Variants in TINAG observed in about 807,000 individuals in gnomAD.
The protein encoded by TINAG is tubulointerstitial nephritis antigen.
A neutral mutation model predicts 72.7 loss-of-function variants in TINAG; 83 were observed. The observed-to-expected ratio is 1.14, with a 90% confidence interval of 0.96 to 1.37. The LOEUF (loss-of-function observed/expected upper bound fraction) is 1.37. TINAG is among the 40% of genes most tolerant of loss of function. The pLI, the probability that TINAG is intolerant of heterozygous loss-of-function variation, is 0.00. For missense variants in TINAG, 685 were observed against 576.6 expected (o/e 1.19, Z -1.93); for synonymous variants, 234 against 189.9 (o/e 1.23, Z -1.91).
At chr6:54,384,933 G>C (rs1383043075) in intron 10 of TINAG, among the ~76,000 whole-genome samples, 4 of 152,022 alleles carry the variant, frequency 2.6e-5, no homozygotes, top group Non-Finnish European at 5.9e-5. Context: ...ACCACATGCT[G>C]GTCCATAGGG....
chr6:54,389,947 G>T lies in TINAG; in HGVS notation c.*22G>T. On this transcript the variant is annotated 3_prime_UTR_variant, in exon 11 of 11. Coordinates refer to ENST00000259782, the MANE Select transcript of TINAG (RefSeq NM_014464.4). ...ATAACATATCATTAAATTTCCATAA[G>T]GTCATGCCTTTAAGTAACCCCCTAA... The T allele has an allele frequency of 6.2e-7, 1 of 1,601,138 alleles. No individual in the cohort carries two copies. Among genetic ancestry groups the T allele is most frequent in the Non-Finnish European group, 8.5e-7 (1 of 1,175,878 alleles).
chr6:54,346,644 A>C (rs770760340), intron 5 of TINAG, among the ~76,000 whole-genome samples: 4 of 151,752 alleles, frequency 2.6e-5, no homozygotes, highest in Non-Finnish European at 5.9e-5. Flanking sequence ...ATTGTAACTA[A>C]ACAAATATAT....
In TINAG at chr6:54,308,544, C is replaced by G. The variant is rs772057394; in HGVS notation, c.-7C>G. The G allele has an allele frequency of 3.7e-6, 6 of 1,602,838 alleles. No homozygotes were observed. The African/African-American group carries it at 6.7e-5, about 18-fold the overall frequency. On this transcript the variant is annotated 5_prime_UTR_variant, in exon 1 of 11. Transcript: ENST00000259782. ...GGAAAGTGGAAGCTATACCTGACTT[C>G]CAGAGAATGTGGACCGGATATAAGA...
chr6:54,356,778 T>C (rs1260314020), intron 9 of TINAG, among the ~76,000 whole-genome samples: 1 of 151,914 alleles, frequency 6.6e-6, no homozygotes, highest in Non-Finnish European at 1.5e-5. Context: ...GATAAGTTCT[T>C]GTCTAAATCT....
chr6:54,354,288 T>A (rs1457629815), intron 8 of TINAG, among the ~76,000 whole-genome samples: 3 of 151,870 alleles, frequency 2.0e-5, no homozygotes, highest in Non-Finnish European at 4.4e-5. Context: ...TTTAAAAGCA[T>A]AATGTGTACT....
intron 4 of TINAG, among the ~76,000 whole-genome samples, chr6:54,330,881 A>T (rs1170940276): frequency 6.6e-6 from 1 of 152,200 alleles, no homozygotes; most frequent in Non-Finnish European, 1.5e-5. Flanking sequence ...TCCTGGGCAC[A>T]TACACCCTCC....
At chr6:54,350,227 G>GTCAT (rs1785232362) in intron 7 of TINAG, among the ~76,000 whole-genome samples, 1 of 151,126 alleles carries the variant, frequency 6.6e-6, no homozygotes, top group Non-Finnish European at 1.5e-5. Flanking sequence ...ACTTTTTTGT[G>GTCAT]GTATTAGCTC....
rs1582731401 is a variant in TINAG, at chr6:54,351,394, C to A, written c.1123C>A (p.Gln375Lys). ...MKEIMQNGPV[Q>K]AIMQVREDFF... ...AGAAATCATGCAAAATGGACCAGTT[C>A]AAGGTAAGCTTGAATGAAATACGGT... is the stretch of plus-strand genomic sequence containing the variant. The change falls in exon 8 of 11, where the codon CAA becomes AAA. Residue 375 changes from glutamine to lysine, a missense_variant. Transcript: ENST00000259782. 1 of 1,609,960 alleles carries A rather than the reference C, an allele frequency of 6.2e-7. No individual in the cohort carries two copies. Among genetic ancestry groups the A allele is most frequent in the South Asian group, 1.1e-5 (1 of 90,894 alleles).
At chr6:54,323,385 T>C (rs1784535714) in intron 3 of TINAG, among the ~76,000 whole-genome samples, 2 of 152,208 alleles carry the variant, frequency 1.3e-5, no homozygotes, top group African/African-American at 4.8e-5. Flanking sequence ...AGCTATTCTC[T>C]CTTCATTATG....
rs751188992 is a variant in TINAG at position 54,349,728 on chromosome 6, C to A, written c.912C>A (p.His304Gln). The change falls in exon 7 of 11, where the codon CAC becomes CAA. Residue 304 changes from histidine to glutamine, a missense_variant. Transcript: ENST00000259782. The part of the protein sequence containing the change: ...WYLRKRGLVS[H>Q]ACYPLFKDQN... ...TTATTCCTCATAGACTGGTATCCCA[C>A]GCATGCTACCCACTTTTCAAAGACC... 5.7e-6 allele frequency: 9 copies of A among 1,574,074 alleles called. No individual in the cohort carries two copies. The highest frequency in any genetic ancestry group is 1.8e-5 in the Admixed American group (1 of 57,116).
intron 4 of TINAG, among the ~76,000 whole-genome samples, chr6:54,328,580 A>G (rs1784662973): frequency 6.6e-6 from 1 of 151,894 alleles, no homozygotes; most frequent in Non-Finnish European, 1.5e-5. Flanking sequence ...AAGGATCACA[A>G]CTCCTTGCAA....
At chr6:54,374,329 A>G (rs922498232) in intron 9 of TINAG, among the ~76,000 whole-genome samples, 1 of 152,094 alleles carries the variant, frequency 6.6e-6, no homozygotes, top group Admixed American at 6.6e-5. Flanking sequence ...CTGGCAGAAC[A>G]TATCGATAAA....
intron 3 of TINAG, 25 bp downstream of exon 3, chr6:54,321,411 T>A (rs779362146): frequency 1.3e-6 from 2 of 1,516,732 alleles, no homozygotes; most frequent in South Asian, 2.3e-5. Flanking sequence ...GCTTTGTATG[T>A]TTCTTGACAC....
Position 54,308,839 on chromosome 6 carries a change from G to T in TINAG, c.289G>T (p.Asp97Tyr), listed in dbSNP as rs1490204542. 6.2e-7 allele frequency: 1 copy of T among 1,613,646 alleles called. No individual in the cohort carries two copies. Among genetic ancestry groups the T allele is most frequent in the Non-Finnish European group, 8.5e-7 (1 of 1,179,876 alleles). The change falls in exon 1 of 11, where the codon GAC (aspartate) becomes TAC (tyrosine). Residue 97 changes from aspartate to tyrosine, a missense_variant. Coordinates refer to ENST00000259782, the MANE Select transcript of TINAG (RefSeq NM_014464.4). Reference sequence around the variant, plus strand: ...CAGAGAAAATTCTGATTGCTGTCCTGACTACAAGTCCTTTTGCCGTGAAGA... The same window carrying T: ...CAGAGAAAATTCTGATTGCTGTCCTTACTACAAGTCCTTTTGCCGTGAAGA... ...CDRENSDCCP[D>Y]YKSFCREEKE... is the part of the protein sequence containing the mutation.
intron 10 of TINAG, among the ~76,000 whole-genome samples, chr6:54,381,140 A>T (rs1763937152): frequency 6.7e-6 from 1 of 149,408 alleles, no homozygotes; most frequent in Non-Finnish European, 1.5e-5. Context: ...ATATACACAC[A>T]TATGTGTATA....
intron 10 of TINAG, among the ~76,000 whole-genome samples, chr6:54,381,081 A>G (rs1351250666): frequency 2.0e-5 from 3 of 148,504 alleles, no homozygotes; most frequent in African/African-American, 7.4e-5. Context: ...TATATATCCT[A>G]TAGGATATAA....
chr6:54,319,664 T>A (rs1303755924), intron 1 of TINAG, among the ~76,000 whole-genome samples: 1 of 152,160 alleles, frequency 6.6e-6, no homozygotes, highest in East Asian at 1.9e-4. Flanking sequence ...TGGCTAGAAG[T>A]TAAACAAGGT....
chr6:54,354,718 A>C, intron 9 of TINAG, 82 bp downstream of exon 9: 1 of 1,399,384 alleles, frequency 7.1e-7, no homozygotes, highest in South Asian at 1.3e-5. Context: ...TAAATGCTAG[A>C]ATCCCCTTTG....
intron 10 of TINAG, among the ~76,000 whole-genome samples, chr6:54,381,547 C>T (rs534588165): frequency 1.3e-5 from 2 of 151,948 alleles, no homozygotes; most frequent in Admixed American, 6.6e-5. Context: ...ATTATGTGTT[C>T]GTACCTTATA....
Sources: allele counts gnomAD v4.1 joint callset (sites outside exome capture counted in the v4.1 genomes callset), GRCh38; gene constraint gnomAD v4.1.1; transcripts MANE v1.5; gene names NCBI Gene and HGNC (gene_info 2026-07-23, HGNC 2026-07-21).